Variants in SCAMP1 observed in about 807,000 individuals in gnomAD.
SCAMP1 encodes the protein secretory carrier-associated membrane protein 1.
Under a neutral mutation model 41.8 loss-of-function variants are expected in SCAMP1, and 15 were observed. The ratio of observed to expected loss-of-function variants is 0.36; its 90% confidence interval spans 0.24 to 0.55. The LOEUF (loss-of-function observed/expected upper bound fraction) is 0.55, where lower values mean the gene tolerates loss of function less well. Ranked by LOEUF, SCAMP1 falls within the 20% of genes least tolerant of loss-of-function variation. The pLI is 0.86. For missense variants in SCAMP1, 341 were observed against 412.6 expected (o/e 0.83, Z 1.50); for synonymous variants, 135 against 136.8 (o/e 0.99, Z 0.09).
chr5:78,403,919 C>T (rs910972998), intron 2 of SCAMP1, among the ~76,000 whole-genome samples: 10 of 114,330 alleles, frequency 8.7e-5, no homozygotes, highest in African/African-American at 1.4e-4. Flanking sequence ...GAGCCAAGAT[C>T]GTGCCTAGGG....
At chr5:78,475,401 C>CTTAGG in intron 8 of SCAMP1, 103 bp from the exon 9 acceptor site, 1 of 752,460 alleles carries the variant, frequency 1.3e-6, no homozygotes. Flanking sequence ...ATCATGACTA[C>CTTAGG]AATCTAGTAT....
At chr5:78,448,405 AAG>A (rs1231828138) in intron 6 of SCAMP1, among the ~76,000 whole-genome samples, 1 of 151,700 alleles carries the variant, frequency 6.6e-6, no homozygotes. Flanking sequence ...ATATATCTGA[AAG>A]AGGACTTGTA....
intron 6 of SCAMP1, among the ~76,000 whole-genome samples, chr5:78,436,234 C>T (rs1359325392): frequency 1.3e-5 from 2 of 152,140 alleles, no homozygotes; most frequent in Non-Finnish European, 2.9e-5. Flanking sequence ...TTAATTAGAT[C>T]CCATTTGTCT....
intron 6 of SCAMP1, among the ~76,000 whole-genome samples, chr5:78,436,213 A>T (rs139287302): frequency 6.6e-6 from 1 of 152,104 alleles, no homozygotes; most frequent in African/African-American, 2.4e-5. Flanking sequence ...GCCATGCAGA[A>T]GCTCTTTAGT....
rs115558014 is a variant in SCAMP1, at chr5:78,362,583, T to C, written c.57+1855T>C. 5.9e-3 allele frequency among the ~76,000 whole-genome samples: 902 copies of C among 152,354 alleles called. 4 individuals carry two copies. The highest frequency in any genetic ancestry group is 0.02 in the African/African-American group (852 of 41,574). ...ATCCAGGACAATGATTATTCAAGTT[T>C]GTAAAATGCATCAGGGACAGATCAT... On this transcript the variant is annotated intron_variant, in intron 1 of 8. Transcript: ENST00000621999.
chr5:78,416,584 A>T lies in SCAMP1; in HGVS notation c.278A>T (p.Glu93Val). ...AQAELLKRQE[E>V]LERKAAELDR... ...GCTGAACTTCTTAAGCGCCAGGAAG[A>T]ACTAGAAAGAAAAGCCGCAGAATTA... Residue 93 changes from glutamate (E) to valine (V), a missense_variant, in exon 4 of 9, where the codon GAA becomes GTA. Physicochemically the swap from Glu to Val is moderately radical, Grantham distance 121 (BLOSUM62 -2). Coordinates refer to ENST00000621999, the MANE Select transcript of SCAMP1 (RefSeq NM_004866.6). 8 of 1,599,482 alleles carry T rather than the reference A, an allele frequency of 5.0e-6. No individual in the cohort carries two copies. The highest frequency in any genetic ancestry group is 6.8e-6 in the Non-Finnish European group (8 of 1,172,678).
chr5:78,400,839 T>G lies in SCAMP1; in HGVS notation c.135+11925T>G, dbSNP rs555121932. 3.9e-5 allele frequency among the ~76,000 whole-genome samples: 6 copies of G among 152,286 alleles called. No individual in the cohort carries two copies. The East Asian group carries it at 1.2e-3, about 29-fold the overall frequency. ...CTTCTTAATCTTCATACCTTTTTTT[T>G]GGGTCTTATTACATTAGTTAGGACT... is the stretch of plus-strand genomic sequence containing the variant. On this transcript the variant is annotated intron_variant, in intron 2 of 8. Transcript: ENST00000621999.
intron 7 of SCAMP1, among the ~76,000 whole-genome samples, chr5:78,458,939 A>C (rs1753509316): frequency 6.6e-6 from 1 of 152,244 alleles, no homozygotes; most frequent in Admixed American, 6.5e-5. Context: ...CAGCTTAAAA[A>C]ATGTACAGTC....
chr5:78,422,645 G>T (rs1036076585), intron 6 of SCAMP1, among the ~76,000 whole-genome samples: 1 of 151,278 alleles, frequency 6.6e-6, no homozygotes, highest in Non-Finnish European at 1.5e-5. Context: ...TTCATTTCAG[G>T]ATTTCTTACA....
Position 78,415,533 on chromosome 5 carries a change from G to A in SCAMP1, c.149G>A (p.Gly50Asp), listed in dbSNP as rs1752190197. 4 of 1,602,388 alleles carry A rather than the reference G, an allele frequency of 2.5e-6. No homozygotes were observed. Among genetic ancestry groups the A allele is most frequent in the East Asian group, 2.2e-5 (1 of 44,670 alleles). Residue 50 changes from glycine (G) to aspartate (D), a missense_variant, in exon 3 of 9, where the codon GGT becomes GAT. Gly to Asp is a moderately conservative substitution (Grantham distance 94). Transcript: ENST00000621999. The stretch of plus-strand genomic sequence containing the variant: ...TAATCCTCCTAGCCTCCACCAGGCG[G>A]TGTGAAGATGCCTAATGTACCCAAT... Reference protein sequence around the residue: ...FSDSRTPPPGGVKMPNVPNTQ... With the variant: ...FSDSRTPPPGDVKMPNVPNTQ...
At chr5:78,414,434 C>T (rs991086382) in intron 2 of SCAMP1, among the ~76,000 whole-genome samples, 8 of 151,954 alleles carry the variant, frequency 5.3e-5, no homozygotes, top group Admixed American at 2.0e-4. Context: ...AGGCGCCCGC[C>T]GCCACACCTG....
chr5:78,409,172 T>C (rs569240456), intron 2 of SCAMP1, among the ~76,000 whole-genome samples: 1 of 152,286 alleles, frequency 6.6e-6, no homozygotes, highest in South Asian at 2.1e-4. Context: ...ATTTGGTGAA[T>C]GGTTTGGTAT....
At chr5:78,463,594 G>C (rs529546804) in intron 8 of SCAMP1, among the ~76,000 whole-genome samples, 1 of 152,088 alleles carries the variant, frequency 6.6e-6, no homozygotes, top group East Asian at 1.9e-4. Context: ...CCTTTTGAAC[G>C]TTCTGAGTAA....
At chr5:78,400,426 G>T (rs1282707226) in intron 2 of SCAMP1, among the ~76,000 whole-genome samples, 1 of 152,158 alleles carries the variant, frequency 6.6e-6, no homozygotes, top group Admixed American at 6.5e-5. Context: ...TTTTGATTGG[G>T]ATTGCGTTGA....
Position 78,447,054 on chromosome 5 carries a change from A to G in SCAMP1, c.633-2879A>G, listed in dbSNP as rs556754582. Among the ~76,000 whole-genome samples the G allele has an allele frequency of 5.0e-4, 76 of 152,350 alleles. 3 individuals carry two copies. In the South Asian group the frequency reaches 0.014, roughly 29 times the overall value. The stretch of plus-strand genomic sequence containing the variant: ...AGTGGCATTAGATTCTCATAGGAGC[A>G]CAAACCCTATTGTGAACTGCGTGTG... On this transcript the variant is annotated intron_variant, in intron 6 of 8. Coordinates refer to ENST00000621999, the MANE Select transcript of SCAMP1 (RefSeq NM_004866.6).
At chr5:78,470,178 T>C (rs1388295864) in intron 8 of SCAMP1, among the ~76,000 whole-genome samples, 1 of 152,126 alleles carries the variant, frequency 6.6e-6, no homozygotes, top group Non-Finnish European at 1.5e-5. Flanking sequence ...TGTGGCAAAA[T>C]ATGTATAACA....
At chr5:78,443,334 C>T (rs758860474) in intron 6 of SCAMP1, among the ~76,000 whole-genome samples, 2 of 151,996 alleles carry the variant, frequency 1.3e-5, no homozygotes, top group Non-Finnish European at 2.9e-5. Flanking sequence ...TTTGCTTATC[C>T]GTAAAATGGA....
chr5:78,425,914 T>C (rs1042937190), intron 6 of SCAMP1, among the ~76,000 whole-genome samples: 1 of 151,888 alleles, frequency 6.6e-6, no homozygotes, highest in Non-Finnish European at 1.5e-5. Context: ...CCCGCGTGCA[T>C]TAGGTATTTG....
intron 6 of SCAMP1, among the ~76,000 whole-genome samples, chr5:78,434,633 T>G (rs1378854979): frequency 6.6e-6 from 1 of 152,202 alleles, no homozygotes; most frequent in Non-Finnish European, 1.5e-5. Context: ...TTTAAAAAAT[T>G]TTTTAACATT....
Sources: allele counts gnomAD v4.1 joint callset (sites outside exome capture counted in the v4.1 genomes callset), GRCh38; gene constraint gnomAD v4.1.1; transcripts MANE v1.5; gene names NCBI Gene and HGNC (gene_info 2026-07-23, HGNC 2026-07-21).